LY96: variants seen among roughly 807,000 people sequenced by gnomAD.
LY96 encodes lymphocyte antigen 96, also known as myeloid differentiation protein-2.
A neutral mutation model predicts 18.9 loss-of-function variants in LY96; 18 were observed. The observed-to-expected ratio is 0.95, with a 90% CI of 0.66 to 1.41. The LOEUF is 1.41. Ranked by LOEUF, LY96 falls within the 40% of genes most tolerant of loss-of-function variation. LY96 has a pLI of 0.00. For missense variants in LY96, 175 were observed against 182.4 expected (o/e 0.96, Z 0.23); for synonymous variants, 66 against 62.6 (o/e 1.06, Z -0.26).
chr8:74,080,491 G>A, the LY96 span, among the ~76,000 whole-genome samples: 1 of 152,158 alleles, frequency 6.6e-6, no homozygotes, highest in Non-Finnish European at 1.5e-5. Context: ...TGCATGCCCT[G>A]AGAGGCAAAA....
the LY96 span, chr8:74,055,865 G>A: frequency 6.6e-6 from 1 of 152,276 alleles, no homozygotes; most frequent in Admixed American, 6.5e-5. Flanking sequence ...GGCCCCTTTT[G>A]GCTCTCTGAG....
chr8:74,067,417 G>T, the LY96 span, among the ~76,000 whole-genome samples: 2 of 152,226 alleles, frequency 1.3e-5, no homozygotes, highest in Middle Eastern at 3.4e-3. Flanking sequence ...TAAAGATGGG[G>T]TCTCGCTACG....
chr8:73,996,370 TTC>T (rs1471952928), intron 1 of LY96, among the ~76,000 whole-genome samples: 175 of 84,882 alleles, frequency 2.1e-3, no homozygotes, highest in Middle Eastern at 0.013. Flanking sequence ...CCTTCCTTCA[TTC>T]CTTTCTTTCT....
At chr8:74,082,822 G>A in the LY96 span, among the ~76,000 whole-genome samples, 1 of 152,166 alleles carries the variant, frequency 6.6e-6, no homozygotes, top group Admixed American at 6.5e-5. Context: ...AAGCTAGGGG[G>A]AAACTTAGCA....
At chr8:74,075,543 T>TATCC in the LY96 span, among the ~76,000 whole-genome samples, 21 of 152,236 alleles carry the variant, frequency 1.4e-4, no homozygotes, top group Admixed American at 1.4e-3. Context: ...AGTGTTGGGA[T>TATCC]TATAGGCATG....
the LY96 span, among the ~76,000 whole-genome samples, chr8:74,080,318 C>T: frequency 9.2e-5 from 14 of 152,120 alleles, no homozygotes; most frequent in East Asian, 1.9e-4. Flanking sequence ...AGTACCTCAT[C>T]GGAAGTTCTT....
At chr8:74,099,761 G>T in the LY96 span, 9 of 152,050 alleles carry the variant, frequency 5.9e-5, no homozygotes, top group African/African-American at 2.2e-4. Flanking sequence ...ATCTGTTTTT[G>T]GCTTCTGACC....
At chr8:74,090,817 A>C in the LY96 span, among the ~76,000 whole-genome samples, 2 of 152,232 alleles carry the variant, frequency 1.3e-5, no homozygotes, top group African/African-American at 2.4e-5. Context: ...AATTATATAT[A>C]TGAAACTAAC....
chr8:74,036,687 G>A, the LY96 span, among the ~76,000 whole-genome samples: 1 of 152,210 alleles, frequency 6.6e-6, no homozygotes, highest in African/African-American at 2.4e-5. Flanking sequence ...TGGGGAGACT[G>A]ATTTGAGTGG....
the LY96 span, among the ~76,000 whole-genome samples, chr8:74,045,850 C>T: frequency 6.6e-6 from 1 of 152,178 alleles, no homozygotes; most frequent in African/African-American, 2.4e-5. Flanking sequence ...AGATCTCCTG[C>T]TGGGCTCCCC....
rs141759642 is a variant in LY96, at chr8:74,028,996, C to T, written c.425C>T (p.Pro142Leu). The T allele has an allele frequency of 2.8e-4, 452 of 1,612,094 alleles. No individual in the cohort carries two copies. Among genetic ancestry groups the T allele is most frequent in the Non-Finnish European group, 3.6e-4 (426 of 1,178,912 alleles). Reference protein sequence around the residue: ...KCVVEAISGSPEEMLFCLEFV... With the variant: ...KCVVEAISGSLEEMLFCLEFV... ...GTTGTTGAAGCTATTTCTGGGAGCC[C>T]AGAAGAAATGCTCTTTTGCTTGGAG... Residue 142 changes from proline (P) to leucine (L), a missense_variant, in exon 5 of 5, where the codon CCA (proline) becomes CTA (leucine). Transcript: ENST00000284818.
chr8:74,021,692 C>T (rs918818505), intron 3 of LY96, among the ~76,000 whole-genome samples: 8 of 152,034 alleles, frequency 5.3e-5, no homozygotes, highest in East Asian at 1.9e-4. Context: ...CAATGATAGA[C>T]GGGATTAAGA....
At chr8:74,048,044 A>G in the LY96 span, among the ~76,000 whole-genome samples, 1 of 152,090 alleles carries the variant, frequency 6.6e-6, no homozygotes, top group Non-Finnish European at 1.5e-5. Context: ...GACCACAGGT[A>G]CACACCGCCA....
the LY96 span, among the ~76,000 whole-genome samples, chr8:74,081,113 C>CTT: frequency 7.3e-6 from 1 of 137,006 alleles, no homozygotes; most frequent in Admixed American, 7.5e-5. Context: ...TTCTTTCTTT[C>CTT]TTTCTTTCTT....
chr8:74,097,915 T>C, the LY96 span, among the ~76,000 whole-genome samples: 4 of 152,108 alleles, frequency 2.6e-5, no homozygotes, highest in Non-Finnish European at 4.4e-5. Context: ...CCTAGGTACT[T>C]TCTATGGCCA....
chr8:74,002,006 TCTTCCTTC>T (rs1222416498), intron 1 of LY96, among the ~76,000 whole-genome samples: 2,350 of 24,020 alleles, frequency 0.098, 283 homozygotes, highest in Non-Finnish European at 0.12. Context: ...TTTCTTCCTT[TCTTCCTTC>T]CTTCCTTCCT....
At chr8:74,044,200 T>C in the LY96 span, among the ~76,000 whole-genome samples, 1 of 152,036 alleles carries the variant, frequency 6.6e-6, no homozygotes. Flanking sequence ...TTTTTCTTTT[T>C]TTTTTTAGGG....
chr8:74,064,928 C>T, the LY96 span, among the ~76,000 whole-genome samples: 4 of 152,272 alleles, frequency 2.6e-5, no homozygotes, highest in South Asian at 8.3e-4. Context: ...AGGATAAGAA[C>T]TCATTAGGGG....
intron 1 of LY96, among the ~76,000 whole-genome samples, chr8:73,996,372 C>CATTCCTTTCTTT (rs756373007): frequency 3.5e-4 from 39 of 111,000 alleles, no homozygotes; most frequent in African/African-American, 6.7e-4. Context: ...TTCCTTCATT[C>CATTCCTTTCTTT]CTTTCTTTCT....
Sources: gnomAD v4.1 joint callset for allele counts (sites outside exome capture counted in the v4.1 genomes callset) on GRCh38, gnomAD v4.1.1 for gene constraint, MANE v1.5 for transcripts, NCBI Gene and HGNC (gene_info 2026-07-23, HGNC 2026-07-21) for gene names.